The following FREM2 variants were observed in gnomAD, a reference collection of about 807,000 sequenced individuals.
FREM2 encodes the protein FRAS1-related extracellular matrix protein 2.
In FREM2, 119 loss-of-function variants were observed where a neutral mutation model predicts 219.9. The ratio of observed to expected loss-of-function variants is 0.54; its 90% CI spans 0.47 to 0.63. FREM2 has a LOEUF of 0.63. Among genes scored for constraint, FREM2 ranks in the 30% least tolerant of loss-of-function variants. The pLI is 0.00. For synonymous variants in FREM2, 1,562 were observed against 1,522.8 expected, an observed-to-expected ratio of 1.03 and a Z score of -0.60; for missense variants, 4,030 against 3,993.6, an observed-to-expected ratio of 1.01 and a Z score of -0.25.
At chr13:38,837,797 C>CTTTTTTTTTTTTTTTTTTTTTTTTTTTTT (rs1324884346) in intron 6 of FREM2, among the ~76,000 whole-genome samples, 1 of 123,700 alleles carries the variant, frequency 8.1e-6, no homozygotes, top group Admixed American at 9.3e-5. Flanking sequence ...TTTGTTTTTG[C>CTTTTTTTTTTTTTTTTTTTTTTTTTTTTT]TTTCCATTTG....
chr13:38,704,560 C>A (rs919859243), intron 2 of FREM2, among the ~76,000 whole-genome samples: 2 of 152,154 alleles, frequency 1.3e-5, no homozygotes, highest in African/African-American at 4.8e-5. Flanking sequence ...AGCATGCCTG[C>A]AGCTCCATGA....
chr13:38,746,615 A>G (rs1053607494), intron 2 of FREM2, among the ~76,000 whole-genome samples: 1 of 152,174 alleles, frequency 6.6e-6, no homozygotes, highest in Non-Finnish European at 1.5e-5. Flanking sequence ...TTTAGTCTCA[A>G]AGAGCCTCAT....
chr13:38,753,382 C>T (rs1872856019), intron 2 of FREM2, among the ~76,000 whole-genome samples: 1 of 152,012 alleles, frequency 6.6e-6, no homozygotes, highest in Non-Finnish European at 1.5e-5. Context: ...GAGTGAAATC[C>T]CTGGGAATTT....
At position 38,688,495 on chromosome 13, in the gene FREM2, C is replaced by A; in HGVS notation, c.1151C>A (p.Thr384Asn). Reference protein sequence around the residue: ...DDRSLPLSSFTQRDLRLLKIA... With the variant: ...DDRSLPLSSFNQRDLRLLKIA... The stretch of plus-strand genomic sequence containing the variant: ...CGCAGCCTGCCCCTTTCCTCCTTCA[C>A]TCAGAGGGATCTGCGGCTCCTGAAG... Residue 384 changes from threonine (T) to asparagine (N), a missense_variant, in exon 1 of 24, where the codon ACT becomes AAT. Thr to Asn is a moderately conservative substitution (Grantham distance 65). Transcript: ENST00000280481. 6.2e-7 allele frequency: 1 copy of A among 1,614,170 alleles called. No individual in the cohort carries two copies. The highest frequency in any genetic ancestry group is 1.1e-5 in the South Asian group (1 of 91,080).
At chr13:38,859,265 C>T (rs748028072) in intron 13 of FREM2, 22 bp from the exon 14 acceptor site, 25 of 1,612,546 alleles carry the variant, frequency 1.6e-5, no homozygotes, top group Non-Finnish European at 2.1e-5. Flanking sequence ...CTGTTCCTAA[C>T]ACAGTCATTT....
At position 38,783,163 on chromosome 13, in the gene FREM2, A is replaced by G. The variant is rs1313233667; in HGVS notation, c.5735A>G (p.Gln1912Arg). 1 of 1,614,114 alleles carries G rather than the reference A, an allele frequency of 6.2e-7. No homozygotes were observed. Among genetic ancestry groups the G allele is most frequent in the South Asian group, 1.1e-5 (1 of 91,084 alleles). Residue 1912 changes from glutamine (Q) to arginine (R), a missense_variant, in exon 5 of 24, where the codon CAG becomes CGG. By Grantham distance (43) the Gln-to-Arg change is conservative (BLOSUM62 1). Transcript: ENST00000280481. ...ATCAGGAGGAGCGGAGATGTGAGCC[A>G]GGAGTTGATGGTGGTCTGTTATACC... Reference protein sequence around the residue: ...IPIRRSGDVSQELMVVCYTQQ... With the variant: ...IPIRRSGDVSRELMVVCYTQQ...
Position 38,724,506 on chromosome 13 carries a change from T to C in FREM2, c.5263+26719T>C, listed in dbSNP as rs190001067. 9.8e-4 allele frequency among the ~76,000 whole-genome samples: 149 copies of C among 152,304 alleles called. 1 individual carries two copies. The highest frequency in any genetic ancestry group is 3.4e-3 in the African/African-American group (141 of 41,566). On this transcript the variant is annotated intron_variant, in intron 2 of 23. Coordinates refer to ENST00000280481, the MANE Select transcript of FREM2 (RefSeq NM_207361.6). ...AGATATTATTTACAGAACTAAAGAT[T>C]TTAAAGCAATTTTTATGTAAAATAC...
At chr13:38,851,993 G>T in intron 11 of FREM2, 125 bp downstream of exon 11, 1 of 858,264 alleles carries the variant, frequency 1.2e-6, no homozygotes, top group Non-Finnish European at 1.9e-6. Context: ...TTTTTTAGGG[G>T]GTATAATTTT....
rs746917920 is a variant in FREM2, at chr13:38,850,982, G to C, written c.6616G>C (p.Asp2206His). 2 of 1,613,372 alleles carry C rather than the reference G, an allele frequency of 1.2e-6. No homozygotes were observed. The highest frequency in any genetic ancestry group is 1.1e-5 in the South Asian group (1 of 91,044). ...GCCCTGCATTCTTGAGCTGATGGAC[G>C]ATGTGCTCTATGAGGAGGTAGAGGA... ...EKPCILELMD[D>H]VLYEEVEELR... is the part of the protein sequence containing the mutation. The change falls in exon 10 of 24, where the codon GAT becomes CAT. Residue 2206 changes from aspartate (D) to histidine (H), a missense_variant. Asp to His is a moderately conservative substitution (Grantham distance 81). This residue lies in a region of FREM2 where 3,102 missense variants were observed against 2,950.7 expected (regional missense o/e 1.05). Transcript: ENST00000280481.
chr13:38,869,916 G>A (rs770939136), intron 16 of FREM2, among the ~76,000 whole-genome samples: 4 of 152,126 alleles, frequency 2.6e-5, no homozygotes, highest in East Asian at 3.9e-4. Flanking sequence ...GCTGTTTTGC[G>A]ACATAGAATC....
At chr13:38,718,742 C>T (rs1460411894) in intron 2 of FREM2, among the ~76,000 whole-genome samples, 1 of 152,084 alleles carries the variant, frequency 6.6e-6, no homozygotes, top group Non-Finnish European at 1.5e-5. Context: ...CCTCCAGTTT[C>T]GAATGTGGAC....
chr13:38,760,506 A>G (rs1398641711), intron 2 of FREM2, among the ~76,000 whole-genome samples: 2 of 152,234 alleles, frequency 1.3e-5, no homozygotes, highest in Non-Finnish European at 2.9e-5. Context: ...GTCATCAATA[A>G]TCCCTGGGAG....
At position 38,688,424 on chromosome 13, in the gene FREM2, T is replaced by C. The variant is rs778918729; in HGVS notation, c.1080T>C (p.Thr360=). The change falls in exon 1 of 24, where the codon ACT becomes ACC. Residue 360 remains threonine (T), a synonymous_variant. Transcript: ENST00000280481. ...SPSDLLIFNL[T]SPFQPGQGYL... ...CTGACCTGTTGATCTTCAACCTTAC[T>C]TCTCCATTCCAGCCTGGCCAGGGCT... 6.2e-7 allele frequency: 1 copy of C among 1,613,868 alleles called. No homozygotes were observed. Among genetic ancestry groups the C allele is most frequent in the Non-Finnish European group, 8.5e-7 (1 of 1,179,934 alleles).
At chr13:38,740,754 A>G (rs1450373375) in intron 2 of FREM2, among the ~76,000 whole-genome samples, 2 of 152,158 alleles carry the variant, frequency 1.3e-5, no homozygotes, top group Non-Finnish European at 2.9e-5. Context: ...TTAAAAAGTA[A>G]TTGTGTTCTT....
At chr13:38,851,471 G>T (rs1341590312) in intron 10 of FREM2, among the ~76,000 whole-genome samples, 1 of 152,162 alleles carries the variant, frequency 6.6e-6, no homozygotes, top group Non-Finnish European at 1.5e-5. Context: ...GGCAGCACAT[G>T]CTCTCTGGGG....
chr13:38,689,727 G>A lies in FREM2; in HGVS notation c.2383G>A (p.Val795Met), dbSNP rs369187680. 1.1e-5 allele frequency: 18 copies of A among 1,613,488 alleles called. 1 individual carries two copies. The highest frequency in any genetic ancestry group is 8.9e-5 in the East Asian group (4 of 44,876). Residue 795 changes from valine to methionine, a missense_variant, in exon 1 of 24, where the codon GTG becomes ATG. This residue lies in a region of FREM2 where 3,102 missense variants were observed against 2,950.7 expected (regional missense o/e 1.05). Transcript: ENST00000280481. ...AYRPPGQELG[V>M]ATRVAQFQFQ... ...CAGACCCCCGGGTCAAGAACTGGGC[G>A]TGGCTACTCGAGTGGCCCAGTTCCA...
At chr13:38,772,466 T>C (rs1167600598) in intron 4 of FREM2, among the ~76,000 whole-genome samples, 6 of 152,210 alleles carry the variant, frequency 3.9e-5, no homozygotes, top group African/African-American at 1.4e-4. Flanking sequence ...AAGTCTATGC[T>C]TTTCTCATTA....
At chr13:38,849,002 C>T (rs1877270417) in intron 8 of FREM2, among the ~76,000 whole-genome samples, 1 of 152,072 alleles carries the variant, frequency 6.6e-6, no homozygotes, top group Admixed American at 6.6e-5. Flanking sequence ...GTCTAATTTT[C>T]CCCTTTTAAT....
intron 2 of FREM2, among the ~76,000 whole-genome samples, chr13:38,759,906 C>T (rs1873162260): frequency 6.6e-6 from 1 of 152,118 alleles, no homozygotes. Flanking sequence ...TCTATTCTTT[C>T]AATAAAATAC....
Sources: gnomAD v4.1 joint callset for allele counts (sites outside exome capture counted in the v4.1 genomes callset) on GRCh38, gnomAD v4.1.1 for gene constraint, gnomAD v4.1.1 regional missense constraint, MANE v1.5 for transcripts, NCBI Gene and HGNC (gene_info 2026-07-23, HGNC 2026-07-21) for gene names.